Variants in ANKS1A observed in about 807,000 individuals in gnomAD.
ANKS1A encodes the protein ankyrin repeat and SAM domain-containing protein 1A.
ANKS1A carries 55 observed loss-of-function variants against 120.3 expected under a neutral mutation model. The ratio of observed to expected loss-of-function variants is 0.46; its 90% CI spans 0.37 to 0.57. ANKS1A has a LOEUF of 0.57. Ranked by LOEUF, ANKS1A falls within the 20% of genes least tolerant of loss-of-function variation. The pLI is 0.00. For missense variants in ANKS1A, 1,123 were observed against 1,480.3 expected (o/e 0.76, Z 3.96); for synonymous variants, 590 against 604.7 (o/e 0.98, Z 0.36).
chr6:34,978,819 A>T (rs886487215), intron 3 of ANKS1A, among the ~76,000 whole-genome samples: 3 of 151,940 alleles, frequency 2.0e-5, no homozygotes, highest in Non-Finnish European at 2.9e-5. Flanking sequence ...AAAAAAAAAA[A>T]AAAAAAGAGT....
intron 13 of ANKS1A, among the ~76,000 whole-genome samples, chr6:35,074,570 A>T (rs920423690): frequency 1.3e-5 from 2 of 151,322 alleles, no homozygotes; most frequent in African/African-American, 4.9e-5. Flanking sequence ...CTCCACTTTT[A>T]AAAAAAAAGT....
At chr6:35,012,034 T>C (rs1284983227) in intron 10 of ANKS1A, among the ~76,000 whole-genome samples, 1 of 152,166 alleles carries the variant, frequency 6.6e-6, no homozygotes, top group Non-Finnish European at 1.5e-5. Flanking sequence ...CTTTTAACCA[T>C]GAGGCTAAAA....
At chr6:35,056,319 C>T (rs754811190) in intron 12 of ANKS1A, among the ~76,000 whole-genome samples, 8 of 152,196 alleles carry the variant, frequency 5.3e-5, no homozygotes, top group African/African-American at 1.7e-4. Flanking sequence ...GACGGAGTCT[C>T]GCTCTTTCGC....
In ANKS1A at chr6:35,082,265, G is replaced by A. The variant is rs1055564872; in HGVS notation, c.2710-426G>A. ...GGGCGGGTGCTTCACTGGCTTCCCCGCTGTGAAGATCCCTCCCAGGCCCTG... is the reference window on the plus strand; with the variant it reads ...GGGCGGGTGCTTCACTGGCTTCCCCACTGTGAAGATCCCTCCCAGGCCCTG... On this transcript the variant is annotated intron_variant, in intron 17 of 23. Transcript: ENST00000360359. This position sits in a 1 kb window ranked among gnomAD's most constrained non-coding sequence, Gnocchi z 4.1. 1.3e-4 allele frequency among the ~76,000 whole-genome samples: 20 copies of A among 151,736 alleles called. No individual in the cohort carries two copies. Among genetic ancestry groups the A allele is most frequent in the African/African-American group, 2.9e-4 (12 of 41,332 alleles).
chr6:34,908,485 TTATCTC>T (rs1213922336), intron 1 of ANKS1A, among the ~76,000 whole-genome samples: 2 of 152,184 alleles, frequency 1.3e-5, no homozygotes, highest in African/African-American at 4.8e-5. Flanking sequence ...CTAGGCCACT[TTATCTC>T]TAAGTGCTTT....
intron 1 of ANKS1A, among the ~76,000 whole-genome samples, chr6:34,955,703 G>T (rs1770330378): frequency 6.6e-6 from 1 of 152,058 alleles, no homozygotes; most frequent in African/African-American, 2.4e-5. Flanking sequence ...ACATCCTCCA[G>T]TCATTTCCTG....
intron 1 of ANKS1A, among the ~76,000 whole-genome samples, chr6:34,955,724 G>T (rs1279238856): frequency 6.6e-6 from 1 of 152,114 alleles, no homozygotes. Flanking sequence ...ATAAAAGAGT[G>T]TGTGGGAGGT....
intron 7 of ANKS1A, among the ~76,000 whole-genome samples, chr6:34,984,308 A>G (rs1255911933): frequency 6.6e-6 from 1 of 152,184 alleles, no homozygotes; most frequent in Non-Finnish European, 1.5e-5. Flanking sequence ...CCCCAAATAT[A>G]GATTACAATA....
At chr6:35,035,460 A>G (rs191846856) in intron 11 of ANKS1A, among the ~76,000 whole-genome samples, 130 of 152,346 alleles carry the variant, frequency 8.5e-4, no homozygotes, top group African/African-American at 2.5e-3. Flanking sequence ...TTAGTTGTTT[A>G]TATGTAAAAG....
intron 1 of ANKS1A, among the ~76,000 whole-genome samples, chr6:34,936,045 G>A (rs1240089345): frequency 7.9e-6 from 1 of 126,404 alleles, no homozygotes; most frequent in Non-Finnish European, 1.6e-5. Flanking sequence ...CTGGGCGACA[G>A]AGCGAGACTC....
chr6:35,036,643 C>T (rs1775188386), intron 11 of ANKS1A, among the ~76,000 whole-genome samples: 1 of 152,208 alleles, frequency 6.6e-6, no homozygotes, highest in African/African-American at 2.4e-5. Flanking sequence ...GGTTTTGGTT[C>T]AGTGACTGAT....
intron 11 of ANKS1A, among the ~76,000 whole-genome samples, chr6:35,027,794 T>C (rs1292558050): frequency 6.6e-6 from 1 of 152,290 alleles, no homozygotes; most frequent in East Asian, 1.9e-4. Flanking sequence ...TTCTTCTCCA[T>C]AGATGTTCCC....
intron 1 of ANKS1A, among the ~76,000 whole-genome samples, chr6:34,956,186 T>C (rs897836737): frequency 6.6e-6 from 1 of 151,458 alleles, no homozygotes; most frequent in Non-Finnish European, 1.5e-5. Context: ...TTTTTATTTA[T>C]ATTATTATTT....
chr6:34,938,600 T>A (rs979027264), intron 1 of ANKS1A, among the ~76,000 whole-genome samples: 1 of 152,272 alleles, frequency 6.6e-6, no homozygotes, highest in Non-Finnish European at 1.5e-5. Flanking sequence ...ACTTAAGTTT[T>A]ATTTGTTTTC....
In ANKS1A at chr6:35,089,313, G is replaced by T. The variant is rs988878231; in HGVS notation, c.*704G>T. The T allele has an allele frequency of 1.2e-5, 12 of 987,656 alleles. No homozygotes were observed. Among genetic ancestry groups the T allele is most frequent in the Admixed American group, 6.0e-5 (1 of 16,670 alleles). 61.2% of individuals were successfully genotyped at this position (987,656 alleles called of 1,614,324 possible). A position where few individuals can be genotyped will look rare whatever the true frequency, so the allele number is the denominator to read the frequency against. On this transcript the variant is annotated 3_prime_UTR_variant, in exon 24 of 24. Transcript: ENST00000360359. ...TGGGAAGGTTCAGTGGCCAAATGAA[G>T]ATAAGTGTGCAGTTTCTAGTGCTGG...
rs145164293 is a variant in ANKS1A at position 34,898,061 on chromosome 6, A to G, written c.197+8462A>G. Among the ~76,000 whole-genome samples the G allele has an allele frequency of 3.0e-3, 452 of 152,338 alleles. 2 individuals carry two copies. Among genetic ancestry groups the G allele is most frequent in the African/African-American group, 9.6e-3 (401 of 41,576 alleles). On this transcript the variant is annotated intron_variant, in intron 1 of 23. Coordinates refer to ENST00000360359, the MANE Select transcript of ANKS1A (RefSeq NM_015245.3). Reference sequence around the variant, plus strand: ...CAGCATTAAATGAGCTAAAGGATGTAAGGCATATAATGCCTGGCACATGGC... The same window carrying G: ...CAGCATTAAATGAGCTAAAGGATGTGAGGCATATAATGCCTGGCACATGGC...
At chr6:35,009,475 G>GAGGTGTTTT (rs1773627847) in intron 10 of ANKS1A, among the ~76,000 whole-genome samples, 1 of 152,162 alleles carries the variant, frequency 6.6e-6, no homozygotes, top group Non-Finnish European at 1.5e-5. Flanking sequence ...TGTTAAGTTT[G>GAGGTGTTTT]AGGTGTTTTA....
intron 11 of ANKS1A, among the ~76,000 whole-genome samples, chr6:35,033,695 G>A (rs1222714168): frequency 3.9e-5 from 6 of 152,284 alleles, no homozygotes; most frequent in African/African-American, 1.2e-4. Flanking sequence ...TTGTTTCACC[G>A]CTGACAAAGA....
At chr6:35,056,312 G>A (rs561733691) in intron 12 of ANKS1A, among the ~76,000 whole-genome samples, 5 of 152,238 alleles carry the variant, frequency 3.3e-5, no homozygotes, top group East Asian at 3.9e-4. Flanking sequence ...TGTTTGAGAC[G>A]GAGTCTCGCT....
Sources: gnomAD v4.1 joint callset for allele counts (sites outside exome capture counted in the v4.1 genomes callset) on GRCh38, gnomAD v4.1.1 for gene constraint, Gnocchi (gnomAD v3.1) non-coding constraint, MANE v1.5 for transcripts, NCBI Gene and HGNC (gene_info 2026-07-23, HGNC 2026-07-21) for gene names.